The following GFPT2 variants were observed in gnomAD, a reference collection of about 807,000 sequenced individuals.
GFPT2 encodes glutamine--fructose-6-phosphate transaminase 2.
GFPT2 carries 62 observed loss-of-function variants against 85.6 expected under a neutral mutation model. That is an observed-to-expected ratio of 0.72 (90% confidence interval 0.59 to 0.90). The LOEUF (loss-of-function observed/expected upper bound fraction) is 0.90, where lower values mean the gene tolerates loss of function less well. GFPT2 is among the 40% of genes least tolerant of loss of function. The pLI is 0.00. For synonymous variants in GFPT2, 368 were observed against 344.5 expected (o/e 1.07, Z -0.75); for missense variants, 788 against 893.4 (o/e 0.88, Z 1.50).
chr5:180,304,592 C>T (rs373738283), intron 17 of GFPT2, among the ~76,000 whole-genome samples, 180 bp downstream of exon 17: 2 of 152,228 alleles, frequency 1.3e-5, no homozygotes, highest in South Asian at 2.1e-4. Context: ...GGGACAGCTG[C>T]GGGCTGACCA....
intron 1 of GFPT2, among the ~76,000 whole-genome samples, chr5:180,351,587 C>T (rs1764711880): frequency 6.6e-6 from 1 of 152,234 alleles, no homozygotes; most frequent in Non-Finnish European, 1.5e-5. Flanking sequence ...TCACATACAA[C>T]CACAAGTCAG....
At position 180,317,011 on chromosome 5, in the gene GFPT2, A is replaced by T; in HGVS notation, c.1006T>A (p.Ser336Thr). ...CGACCTCTCATAGTATTGAAAACTG[A>T]TTCTGGCTGTTCGAAGATCTCCTTC... ...MQKEIFEQPE[S>T]VFNTMRGRVN... The change falls in exon 11 of 19, where the codon TCA becomes ACA. Residue 336 changes from serine to threonine, a missense_variant. By Grantham distance (58) the Ser-to-Thr change is moderately conservative (BLOSUM62 1). Transcript: ENST00000253778. 1 of 1,612,230 alleles carries T rather than the reference A, an allele frequency of 6.2e-7. No homozygotes were observed. Among genetic ancestry groups the T allele is most frequent in the Non-Finnish European group, 8.5e-7 (1 of 1,178,250 alleles).
intron 18 of GFPT2, 95 bp downstream of exon 18, chr5:180,302,328 C>A: frequency 1.2e-6 from 1 of 848,402 alleles, no homozygotes; most frequent in Non-Finnish European, 1.8e-6. Flanking sequence ...AAATTATTTA[C>A]TCTATGACTA....
intron 1 of GFPT2, among the ~76,000 whole-genome samples, chr5:180,339,200 T>C (rs1426595969): frequency 6.6e-6 from 1 of 151,920 alleles, no homozygotes; most frequent in African/African-American, 2.4e-5. Context: ...GCCAACATGG[T>C]GAAACCCCAT....
intron 1 of GFPT2, among the ~76,000 whole-genome samples, chr5:180,347,878 C>T (rs1764639416): frequency 6.6e-6 from 1 of 152,164 alleles, no homozygotes; most frequent in African/African-American, 2.4e-5. Context: ...CACTTCGCAG[C>T]AGCCAGGTTG....
chr5:180,344,679 T>C (rs1764574551), intron 1 of GFPT2, among the ~76,000 whole-genome samples: 2 of 152,122 alleles, frequency 1.3e-5, no homozygotes, highest in African/African-American at 2.4e-5. Context: ...TGGTTCTGCT[T>C]TCCACCGGTG....
Position 180,313,813 on chromosome 5 carries a change from G to A in GFPT2, c.1425C>T (p.Ser475=), listed in dbSNP as rs1465544771. 2 of 1,555,940 alleles carry A rather than the reference G, an allele frequency of 1.3e-6. No individual in the cohort carries two copies. The highest frequency in any genetic ancestry group is 1.7e-6 in the Non-Finnish European group (2 of 1,155,116). The change falls in exon 14 of 19, where the codon AGC becomes AGT. Residue 475 remains serine, a synonymous_variant. Coordinates refer to ENST00000253778, the MANE Select transcript of GFPT2 (RefSeq NM_005110.4). Reference sequence around the variant, plus strand: ...CGCCCGTGGCTCCTCCTACCTTGGTGCTGGCCACGCCGATCTCCGGCCCTG... The same window carrying A: ...CGCCCGTGGCTCCTCCTACCTTGGTACTGGCCACGCCGATCTCCGGCCCTG... ...INAGPEIGVA[S]TKAYTSQFIS...
At chr5:180,304,515 GCTC>G (rs2127645817) in intron 17 of GFPT2, among the ~76,000 whole-genome samples, 1 of 152,360 alleles carries the variant, frequency 6.6e-6, no homozygotes, top group South Asian at 2.1e-4. Context: ...CCTCCCCTGA[GCTC>G]CAGGCTAGGA....
chr5:180,332,170 G>A (rs1015708980), intron 4 of GFPT2, among the ~76,000 whole-genome samples: 18 of 145,348 alleles, frequency 1.2e-4, no homozygotes, highest in African/African-American at 4.9e-5. Context: ...AGTTCCTGCC[G>A]CACAACCCAG....
chr5:180,310,949 G>T (rs752506264), intron 15 of GFPT2, among the ~76,000 whole-genome samples: 1 of 151,870 alleles, frequency 6.6e-6, no homozygotes, highest in Non-Finnish European at 1.5e-5. Context: ...ACCACATCTG[G>T]AGAACCACTG....
chr5:180,324,709 C>G, intron 8 of GFPT2, 107 bp downstream of exon 8: 1 of 784,002 alleles, frequency 1.3e-6, no homozygotes, highest in Non-Finnish European at 2.3e-6. Flanking sequence ...GGGTCTGGCT[C>G]AGAGTGGGGT....
intron 1 of GFPT2, among the ~76,000 whole-genome samples, chr5:180,339,848 G>A (rs1249881924): frequency 1.3e-5 from 2 of 152,252 alleles, no homozygotes; most frequent in Admixed American, 1.3e-4. Context: ...ATTCCTCACT[G>A]TGTGTTGGCA....
chr5:180,349,856 T>C (rs888454349), intron 1 of GFPT2, among the ~76,000 whole-genome samples: 2 of 151,336 alleles, frequency 1.3e-5, no homozygotes, highest in Non-Finnish European at 2.9e-5. Context: ...AACTAAGAAT[T>C]CTCCAGCTCT....
intron 7 of GFPT2, among the ~76,000 whole-genome samples, chr5:180,325,786 C>T (rs1020339836): frequency 1.2e-4 from 18 of 152,180 alleles, no homozygotes; most frequent in Non-Finnish European, 1.8e-4. Context: ...CAGCACTTTG[C>T]GGGGCTGAAG....
chr5:180,330,805 T>C lies in GFPT2; in HGVS notation c.429A>G (p.Glu143=), dbSNP rs1488264073. The C allele has an allele frequency of 1.2e-6, 2 of 1,613,900 alleles. No individual in the cohort carries two copies. The highest frequency in any genetic ancestry group is 1.7e-6 in the Non-Finnish European group (2 of 1,179,746). The change falls in exon 6 of 19, where the codon GAA becomes GAG. Residue 143 remains glutamate, a synonymous_variant. Coordinates refer to ENST00000253778, the MANE Select transcript of GFPT2 (RefSeq NM_005110.4). The surrounding 1 kb of genome is among the most constrained non-coding windows in gnomAD (Gnocchi z 4.4). ...LESKGYEFES[E]TDTETIAKLI... ...GCTTGGCGATGGTCTCTGTATCTGT[T>C]TCTGACTCAAACTCGTAGCCTTTGC...
Position 180,349,585 on chromosome 5 carries a change from G to A in GFPT2, c.7+3626C>T, listed in dbSNP as rs1422575. Among the ~76,000 whole-genome samples the A allele has an allele frequency of 0.012, 1,892 of 152,204 alleles. 68 individuals are homozygous for A. In the East Asian group the frequency reaches 0.14, roughly 11 times the overall value. On this transcript the variant is annotated intron_variant, in intron 1 of 18. Coordinates refer to ENST00000253778, the MANE Select transcript of GFPT2 (RefSeq NM_005110.4). ...GCGACACAGCCACAAGCCAAGGAAC[G>A]CGGCAGCCCCAGGAGCTGGGAGAGG...
intron 1 of GFPT2, among the ~76,000 whole-genome samples, chr5:180,340,657 G>C (rs1384760466): frequency 6.6e-6 from 1 of 151,688 alleles, no homozygotes; most frequent in Non-Finnish European, 1.5e-5. Context: ...GACTACAGGT[G>C]CCCGACACCA....
chr5:180,308,629 G>T (rs1763821616), intron 15 of GFPT2, among the ~76,000 whole-genome samples: 1 of 152,198 alleles, frequency 6.6e-6, no homozygotes, highest in Admixed American at 6.5e-5. Context: ...GAAACAGTAG[G>T]TTCTTGAAAG....
chr5:180,330,594 A>G lies in GFPT2; in HGVS notation c.534+106T>C. 2 of 938,330 alleles carry G rather than the reference A, an allele frequency of 2.1e-6. No individual in the cohort carries two copies. The highest frequency in any genetic ancestry group is 1.5e-5 in the South Asian group (1 of 65,838). 58.1% of individuals were successfully genotyped at this position (938,330 alleles called of 1,614,324 possible). A position where few individuals can be genotyped will look rare whatever the true frequency, so the allele number is the denominator to read the frequency against. ...AGGACTCTGTGCAAGTTTGTCTAAC[A>G]AGGGCTTATAAAAAATGAAGGATTC... On this transcript the variant is annotated intron_variant, in intron 6 of 18. Coordinates refer to ENST00000253778, the MANE Select transcript of GFPT2 (RefSeq NM_005110.4). This position sits in a 1 kb window ranked among gnomAD's most constrained non-coding sequence, Gnocchi z 4.4.
Sources: gnomAD v4.1 joint callset for allele counts (sites outside exome capture counted in the v4.1 genomes callset) on GRCh38, gnomAD v4.1.1 for gene constraint, Gnocchi (gnomAD v3.1) non-coding constraint, MANE v1.5 for transcripts, NCBI Gene and HGNC (gene_info 2026-07-23, HGNC 2026-07-21) for gene names.